Variants in METTL17 observed in about 807,000 individuals in gnomAD.
METTL17 encodes the protein ribosome assembly protein METTL17, mitochondrial.
METTL17 carries 49 observed loss-of-function variants against 59.4 expected under a neutral mutation model. The ratio of observed to expected loss-of-function variants is 0.82; its 90% confidence interval spans 0.66 to 1.05. The LOEUF (loss-of-function observed/expected upper bound fraction) is 1.05, where lower values mean the gene tolerates loss of function less well. Ranked by LOEUF, METTL17 falls within the 50% of genes least tolerant of loss-of-function variation. The pLI, the probability that METTL17 is intolerant of heterozygous loss-of-function variation, is 0.00. For synonymous variants in METTL17, 208 were observed against 209.2 expected, an observed-to-expected ratio of 0.99 and a Z score of 0.05; for missense variants, 555 against 578.4, an observed-to-expected ratio of 0.96 and a Z score of 0.41.
At chr14:20,994,731 C>T (rs1880257552) in intron 8 of METTL17, 63 bp from the exon 9 acceptor site, 1 of 1,539,120 alleles carries the variant, frequency 6.5e-7, no homozygotes, top group African/African-American at 1.4e-5. Context: ...GCGGCTAGGA[C>T]TTTGTTGTAT....
At chr14:20,992,893 A>AC in intron 5 of METTL17, 1 of 604,600 alleles carries the variant, frequency 1.7e-6, no homozygotes, top group South Asian at 2.1e-5. Context: ...CTCTTAAAAA[A>AC]AACACAAAAT....
chr14:20,993,186 C>A lies in METTL17; in HGVS notation c.597C>A (p.Val199=). 7 of 1,614,014 alleles carry A rather than the reference C, an allele frequency of 4.3e-6. No homozygotes were observed. Among genetic ancestry groups the A allele is most frequent in the Non-Finnish European group, 5.9e-6 (7 of 1,179,908 alleles). The change falls in exon 6 of 14, where the codon GTC becomes GTA. Residue 199 remains valine (V), a synonymous_variant. Transcript: ENST00000339374. ...ACTTTGGCTCAGGTACTGGTTCTGT[C>A]ACCTGGTGAGTAACTTTCTTCAGCC... is the stretch of plus-strand genomic sequence containing the variant. ...LMDFGSGTGS[V]TWAAHSIWGQ... is the part of the protein sequence containing the mutation.
Position 20,990,460 on chromosome 14 carries a change from A to G in METTL17, c.230-4A>G, listed in dbSNP as rs17092373. Reference sequence around the variant, plus strand: ...TGATTCCGCTTTTCGTCTTTGGCCCATAGGGAGCGCTGGGCCCACTATGGA... The same window carrying G: ...TGATTCCGCTTTTCGTCTTTGGCCCGTAGGGAGCGCTGGGCCCACTATGGA... On this transcript the variant is annotated splice_region_variant and splice_polypyrimidine_tract_variant and intron_variant, in intron 2 of 13. Coordinates refer to ENST00000339374, the MANE Select transcript of METTL17 (RefSeq NM_022734.3). 6.2e-7 allele frequency: 1 copy of G among 1,614,104 alleles called. No homozygotes were observed. The highest frequency in any genetic ancestry group is 1.1e-5 in the South Asian group (1 of 91,074).
chr14:20,994,954 C>G, intron 9 of METTL17, 53 bp downstream of exon 9: 3 of 1,403,584 alleles, frequency 2.1e-6, no homozygotes, highest in Non-Finnish European at 3.0e-6. Flanking sequence ...TCATGGATTT[C>G]ATGCCTTTGC....
Position 20,990,360 on chromosome 14 carries a change from A to G in METTL17, c.206A>G (p.Asn69Ser), listed in dbSNP as rs1879963918. 6.2e-7 allele frequency: 1 copy of G among 1,614,114 alleles called. No homozygotes were observed. Among genetic ancestry groups the G allele is most frequent in the African/African-American group, 1.3e-5 (1 of 74,956 alleles). ...GTGCGGCTGCCACAGGCACTGGCTA[A>G]CGGTGCCCAGTTATTGCTACTTGGT... The part of the protein sequence containing the change: ...PHVRLPQALA[N>S]GAQLLLLGSA... The change falls in exon 2 of 14, where the codon AAC becomes AGC. Residue 69 changes from asparagine to serine, a missense_variant. Physicochemically the swap from Asn to Ser is conservative, Grantham distance 46. Transcript: ENST00000339374.
rs546943882 is a variant in METTL17, at chr14:20,994,385, A to G, written c.698-158A>G. On this transcript the variant is annotated intron_variant, in intron 7 of 13. Coordinates refer to ENST00000339374, the MANE Select transcript of METTL17 (RefSeq NM_022734.3). ...ATCCTCCCACTTCAGCCTCTAGGGT[A>G]GCTGGGATTACAGGCACGCACCGCC... is the stretch of plus-strand genomic sequence containing the variant. Among the ~76,000 whole-genome samples, 73 of 151,516 alleles carry G rather than the reference A, an allele frequency of 4.8e-4. No homozygotes were observed. The South Asian group carries it at 0.015, about 31-fold the overall frequency.
At position 20,992,577 on chromosome 14, in the gene METTL17, A is replaced by G. The variant is rs748877463; in HGVS notation, c.483A>G (p.Ala161=). 1.9e-6 allele frequency: 3 copies of G among 1,614,182 alleles called. No individual in the cohort carries two copies. The East Asian group carries it at 6.7e-5, about 36-fold the overall frequency. ...GACTGAGCCTGGTGTATATGGCAGC[A>G]AGACTGGATGGTGGCTTTGCAGCAG... ...TEGLSLVYMA[A]RLDGGFAAVS... The change falls in exon 5 of 14, where the codon GCA becomes GCG. Residue 161 remains alanine, a synonymous_variant. Coordinates refer to ENST00000339374, the MANE Select transcript of METTL17 (RefSeq NM_022734.3).
rs781343851 is a variant in METTL17 at position 20,993,981 on chromosome 14, T to G, written c.615T>G (p.Ser205Arg). Residue 205 changes from serine to arginine, a missense_variant, in exon 7 of 14, where the codon AGT becomes AGG. By Grantham distance (110) the Ser-to-Arg change is moderately radical. Transcript: ENST00000339374. ...TTTGCCATCTTAGGGCTGCTCACAG[T>G]ATTTGGGGCCAGAGCCTACGTGAAT... ...GTGSVTWAAH[S>R]IWGQSLREYM... 2.4e-5 allele frequency: 38 copies of G among 1,613,496 alleles called. No individual in the cohort carries two copies. The South Asian group carries it at 3.5e-4, about 15-fold the overall frequency.
Position 20,995,170 on chromosome 14 carries a change from G to A in METTL17, c.882G>A (p.Leu294=), listed in dbSNP as rs1262601173. The A allele has an allele frequency of 1.2e-6, 2 of 1,613,976 alleles. No individual in the cohort carries two copies. The highest frequency in any genetic ancestry group is 3.3e-5 in the Admixed American group (2 of 60,006). The change falls in exon 10 of 14, where the codon CTG becomes CTA. Residue 294 remains leucine (L), a synonymous_variant. Transcript: ENST00000339374. ...TTTTCCCCTTTTGTGAACAGGTACT[G>A]GTGGAGAATGGAACAAAAGCTGGGC... ...LWRKTGHFLV[L]VENGTKAGHS...
At position 20,994,043 on chromosome 14, in the gene METTL17, T is replaced by G; in HGVS notation, c.677T>G (p.Leu226Trp). Residue 226 changes from leucine (L) to tryptophan (W), a missense_variant, in exon 7 of 14, where the codon TTG (leucine) becomes TGG (tryptophan). Coordinates refer to ENST00000339374, the MANE Select transcript of METTL17 (RefSeq NM_022734.3). ...CVDRSAAMLV[L>W]AEKLLKGGSE... ...GACAGATCAGCTGCCATGTTGGTTT[T>G]GGCAGAAAAACTACTGAAAGGTGAG... is the stretch of plus-strand genomic sequence containing the variant. 6.2e-7 allele frequency: 1 copy of G among 1,613,904 alleles called. No individual in the cohort carries two copies. Among genetic ancestry groups the G allele is most frequent in the Non-Finnish European group, 8.5e-7 (1 of 1,179,884 alleles).
Position 20,993,922 on chromosome 14 carries a change from C to T in METTL17, c.603-47C>T, listed in dbSNP as rs748012153. On this transcript the variant is annotated intron_variant, in intron 6 of 13. Coordinates refer to ENST00000339374, the MANE Select transcript of METTL17 (RefSeq NM_022734.3). The stretch of plus-strand genomic sequence containing the variant: ...GTAAATGGGCCTCTTGTAGAGATGA[C>T]TCTTGGTCATGGGAATTGGTGATTT... 316 of 1,468,622 alleles carry T rather than the reference C, an allele frequency of 2.2e-4. 3 individuals are homozygous for T. In the Middle Eastern group the frequency reaches 4.2e-3, roughly 19 times the overall value. The allele number at this position is 1,468,622 out of a possible 1,614,324, so 91.0% of individuals were successfully genotyped here.
At chr14:20,992,340 GA>G (rs111295060) in intron 4 of METTL17, 135 bp downstream of exon 4, 10 of 745,652 alleles carry the variant, frequency 1.3e-5, no homozygotes, top group African/African-American at 1.1e-4. Context: ...TTTAGTATTT[GA>G]AAAAGCTAAA....
chr14:20,994,124 A>AGCAAAG, intron 7 of METTL17, 61 bp downstream of exon 7: 2 of 1,226,236 alleles, frequency 1.6e-6, no homozygotes, highest in Non-Finnish European at 2.4e-6. Flanking sequence ...TACTAGTAAA[A>AGCAAAG]GTGTTTTACT....
chr14:20,996,002 G>A (rs771788744), intron 11 of METTL17, 51 bp downstream of exon 11: 1 of 1,590,288 alleles, frequency 6.3e-7, no homozygotes, highest in Admixed American at 1.7e-5. Context: ...CTTAGGCGTG[G>A]CCGGGAAATG....
In METTL17 at chr14:20,996,993, T is replaced by C; in HGVS notation, c.*103T>C. ...GGTATCCCCATATGTCTGTGTTTGT[T>C]TGAGATTTTTAATAATAAATAATAA... On this transcript the variant is annotated 3_prime_UTR_variant, in exon 14 of 14. Transcript: ENST00000339374. 8.5e-7 allele frequency: 1 copy of C among 1,174,864 alleles called. No homozygotes were observed. Among genetic ancestry groups the C allele is most frequent in the Admixed American group, 3.0e-5 (1 of 33,446 alleles). 72.8% of individuals were successfully genotyped at this position (1,174,864 alleles called of 1,614,324 possible).
intron 3 of METTL17, 187 bp downstream of exon 3, chr14:20,990,785 G>A (rs921374312): frequency 2.8e-6 from 2 of 712,744 alleles, no homozygotes; most frequent in South Asian, 2.0e-5. Flanking sequence ...CTTAGGTAAA[G>A]GTCAGAATGT....
intron 3 of METTL17, 162 bp from the exon 4 acceptor site, chr14:20,991,962 T>C (rs1880048812): frequency 3.2e-6 from 2 of 631,412 alleles, no homozygotes; most frequent in East Asian, 5.9e-5. Context: ...TTGTTACCGT[T>C]AATTCTTGCC....
intron 12 of METTL17, 50 bp downstream of exon 12, chr14:20,996,342 G>A: frequency 6.3e-7 from 1 of 1,579,382 alleles, no homozygotes; most frequent in Non-Finnish European, 8.7e-7. Context: ...TGGAAAAACA[G>A]GAAGAAAAAG....
intron 12 of METTL17, 82 bp downstream of exon 12, chr14:20,996,374 G>T: frequency 6.5e-7 from 1 of 1,530,544 alleles, no homozygotes; most frequent in Non-Finnish European, 9.0e-7. Context: ...GGAGGAGTTG[G>T]ATAATTTGTA....
Sources: allele counts gnomAD v4.1 joint callset (sites outside exome capture counted in the v4.1 genomes callset), GRCh38; gene constraint gnomAD v4.1.1; transcripts MANE v1.5; gene names NCBI Gene and HGNC (gene_info 2026-07-23, HGNC 2026-07-21).